Variants in OSBPL3 observed in about 807,000 individuals in gnomAD.
OSBPL3 encodes oxysterol-binding protein-related protein 3.
OSBPL3 carries 65 observed loss-of-function variants against 120.1 expected under a neutral mutation model. The observed-to-expected ratio is 0.54, with a 90% CI of 0.44 to 0.67. The LOEUF (loss-of-function observed/expected upper bound fraction) is 0.67. Among genes scored for constraint, OSBPL3 ranks in the 30% least tolerant of loss-of-function variants. The pLI is 0.00. For synonymous variants in OSBPL3, 416 were observed against 402.6 expected (o/e 1.03, Z -0.40); for missense variants, 1,004 against 1,082.1 (o/e 0.93, Z 1.01).
In OSBPL3 at chr7:24,967,962, C is replaced by CA. The variant is rs1816577485; in HGVS notation, c.-150+11923dup. On this transcript the variant is annotated intron_variant, in intron 1 of 22. Transcript: ENST00000313367. This position sits in a 1 kb window ranked among gnomAD's most constrained non-coding sequence, Gnocchi z 5.6. The stretch of plus-strand genomic sequence containing the variant: ...TCTTCCTATTTTCCCCAGCAGTAGT[C>CA]AATGGCACCATAAATAACACAGTCA... 1.3e-5 allele frequency among the ~76,000 whole-genome samples: 2 copies of CA among 152,204 alleles called. No homozygotes were observed.
chr7:24,959,615 T>C lies in OSBPL3; in HGVS notation c.-150+20271A>G, dbSNP rs55881478. ...TTCTGGACGCTGGTTACACAGGTTA[T>C]TTATCTTCTGAAAACTCATTAGATT... On this transcript the variant is annotated intron_variant, in intron 1 of 22. Transcript: ENST00000313367. The surrounding 1 kb of genome is among the most constrained non-coding windows in gnomAD (Gnocchi z 4.3). Among the ~76,000 whole-genome samples the C allele has an allele frequency of 0.12, 18,157 of 152,262 alleles. 1,142 individuals carry two copies. Among genetic ancestry groups the C allele is most frequent in the Middle Eastern group, 0.2 (58 of 294 alleles).
At chr7:24,836,674 T>C (rs527299076) in intron 14 of OSBPL3, among the ~76,000 whole-genome samples, 15 of 152,220 alleles carry the variant, frequency 9.9e-5, no homozygotes, top group African/African-American at 3.6e-4. Flanking sequence ...TTTGTTGATA[T>C]ATATTTTATT....
At chr7:24,850,851 C>T (rs1236087911) in intron 11 of OSBPL3, among the ~76,000 whole-genome samples, 1 of 152,186 alleles carries the variant, frequency 6.6e-6, no homozygotes, top group Non-Finnish European at 1.5e-5. Flanking sequence ...TGATATGGTT[C>T]TAAAAATTTT....
rs1308132964 is a variant in OSBPL3 at position 24,892,884 on chromosome 7, A to G, written c.-149-263T>C. 2.0e-5 allele frequency among the ~76,000 whole-genome samples: 3 copies of G among 152,362 alleles called. No homozygotes were observed. In the East Asian group the frequency reaches 5.8e-4, roughly 29 times the overall value. On this transcript the variant is annotated intron_variant, in intron 1 of 22. Transcript: ENST00000313367. ...GAGTCCAGACACATACAAAATCAGT[A>G]CTATAAAAAATCTTAAAACACAGTA...
In OSBPL3 at chr7:24,863,872, C is replaced by T. The variant is rs1800941127; in HGVS notation, c.674-273G>A. ...GCAAAACTGCATGCCTCAACTTCCT[C>T]ATCAGAAAGATGGGGATAATTATAC... is the stretch of plus-strand genomic sequence containing the variant. On this transcript the variant is annotated intron_variant, in intron 7 of 22. Transcript: ENST00000313367. The surrounding 1 kb of genome is among the most constrained non-coding windows in gnomAD (Gnocchi z 5.8). Among the ~76,000 whole-genome samples, 1 of 152,162 alleles carries T rather than the reference C, an allele frequency of 6.6e-6. No individual in the cohort carries two copies. Among genetic ancestry groups the T allele is most frequent in the African/African-American group, 2.4e-5 (1 of 41,422 alleles).
chr7:24,884,230 T>C (rs1804136948), intron 2 of OSBPL3, among the ~76,000 whole-genome samples: 1 of 152,200 alleles, frequency 6.6e-6, no homozygotes, highest in Admixed American at 6.5e-5. Context: ...GGCATGGAAC[T>C]TGAATTAACT....
intron 1 of OSBPL3, among the ~76,000 whole-genome samples, chr7:24,893,564 C>A (rs886224099): frequency 2.6e-5 from 4 of 152,068 alleles, no homozygotes; most frequent in African/African-American, 9.7e-5. Context: ...GTAATCCTAA[C>A]GCTTTGGGAG....
rs1796378951 is a variant in OSBPL3, at chr7:24,831,651, C to T, written c.1747-746G>A. Reference sequence around the variant, plus strand: ...CACATTACCTTCTTTGTCTTTTCTTCCATGTATGTAACAACAGTTAAGCCT... The same window carrying T: ...CACATTACCTTCTTTGTCTTTTCTTTCATGTATGTAACAACAGTTAAGCCT... On this transcript the variant is annotated intron_variant, in intron 15 of 22. Coordinates refer to ENST00000313367, the MANE Select transcript of OSBPL3 (RefSeq NM_015550.4). This position sits in a 1 kb window ranked among gnomAD's most constrained non-coding sequence, Gnocchi z 4.0. 1.3e-5 allele frequency among the ~76,000 whole-genome samples: 2 copies of T among 152,186 alleles called. No homozygotes were observed. The highest frequency in any genetic ancestry group is 2.9e-5 in the Non-Finnish European group (2 of 68,030).
chr7:24,876,874 AAT>A (rs756333823), intron 2 of OSBPL3, among the ~76,000 whole-genome samples: 20 of 152,208 alleles, frequency 1.3e-4, no homozygotes, highest in Non-Finnish European at 2.2e-4. Context: ...GATATTAATA[AAT>A]ATGTTGAAAG....
rs1378865546 is a variant in OSBPL3, at chr7:24,797,285, A to T, written c.*2898T>A. The T allele has an allele frequency of 6.6e-6, 1 of 152,232 alleles. No homozygotes were observed. Among genetic ancestry groups the T allele is most frequent in the Non-Finnish European group, 1.5e-5 (1 of 68,026 alleles). The allele number at this position is 152,232 out of a possible 1,614,324, so 9.4% of individuals were successfully genotyped here. On this transcript the variant is annotated 3_prime_UTR_variant, in exon 23 of 23. Coordinates refer to ENST00000313367, the MANE Select transcript of OSBPL3 (RefSeq NM_015550.4). This position sits in a 1 kb window ranked among gnomAD's most constrained non-coding sequence, Gnocchi z 4.8. ...AAAAGCAGAATATGAGAAAAGCAGC[A>T]GTGTAAATGACGTAAACATTAAAAA...
chr7:24,931,452 G>T (rs1811778646), intron 1 of OSBPL3, among the ~76,000 whole-genome samples: 1 of 152,124 alleles, frequency 6.6e-6, no homozygotes. Context: ...CTTATAAGAG[G>T]GCGTCAGGAG....
chr7:24,917,413 T>TATATATATATTTGTAAC (rs1554404936), intron 1 of OSBPL3, among the ~76,000 whole-genome samples: 16 of 141,072 alleles, frequency 1.1e-4, no homozygotes, highest in African/African-American at 4.3e-4. Context: ...TATATATATA[T>TATATATATATTTGTAAC]ATATATATAT....
chr7:24,882,037 C>T (rs6962183), intron 2 of OSBPL3, among the ~76,000 whole-genome samples: 2,120 of 152,284 alleles, frequency 0.014, 53 homozygotes, highest in African/African-American at 0.049. Flanking sequence ...AAATTAATTA[C>T]ATCTGTAAAG....
intron 20 of OSBPL3, among the ~76,000 whole-genome samples, chr7:24,809,188 C>T (rs571086578): frequency 1.7e-4 from 26 of 152,240 alleles, no homozygotes; most frequent in Admixed American, 1.0e-3. Flanking sequence ...AGTTATATCT[C>T]AGAACAATGG....
At chr7:24,904,709 G>A (rs111824639) in intron 1 of OSBPL3, among the ~76,000 whole-genome samples, 2 of 152,210 alleles carry the variant, frequency 1.3e-5, no homozygotes, top group African/African-American at 4.8e-5. Context: ...TAACATGGAT[G>A]ACTCTGGAAG....
rs1816635758 is a variant in OSBPL3 at position 24,968,484 on chromosome 7, C to G, written c.-150+11402G>C. On this transcript the variant is annotated intron_variant, in intron 1 of 22. Coordinates refer to ENST00000313367, the MANE Select transcript of OSBPL3 (RefSeq NM_015550.4). This position sits in a 1 kb window ranked among gnomAD's most constrained non-coding sequence, Gnocchi z 4.6. ...TGATCTTGGCTCACTGCAGCCACTG[C>G]CTCCCGGGTTCCAGCGATTCTCCTG... Among the ~76,000 whole-genome samples the G allele has an allele frequency of 6.6e-6, 1 of 152,178 alleles. No individual in the cohort carries two copies. Among genetic ancestry groups the G allele is most frequent in the Non-Finnish European group, 1.5e-5 (1 of 68,040 alleles).
chr7:24,828,763 A>ATT (rs562215516), intron 16 of OSBPL3, among the ~76,000 whole-genome samples: 16,196 of 145,646 alleles, frequency 0.11, 1,137 homozygotes, highest in Non-Finnish European at 0.17. Flanking sequence ...TAATTTACAG[A>ATT]TTTTTTTTTT....
chr7:24,974,238 C>T (rs1817333712), intron 1 of OSBPL3, among the ~76,000 whole-genome samples: 2 of 152,160 alleles, frequency 1.3e-5, no homozygotes, highest in Admixed American at 6.5e-5. Flanking sequence ...TCACGGACAG[C>T]CTTGTTTCCT....
At chr7:24,977,582 C>A (rs113237225) in intron 1 of OSBPL3, among the ~76,000 whole-genome samples, 9,747 of 152,168 alleles carry the variant, frequency 0.064, 566 homozygotes, top group East Asian at 0.28. Context: ...ACGGGCAGGG[C>A]GCGGTGGCTC....
Sources: gnomAD v4.1 joint callset for allele counts (sites outside exome capture counted in the v4.1 genomes callset) on GRCh38, gnomAD v4.1.1 for gene constraint, Gnocchi (gnomAD v3.1) non-coding constraint, MANE v1.5 for transcripts, NCBI Gene and HGNC (gene_info 2026-07-23, HGNC 2026-07-21) for gene names.